The following ZNF618 variants were observed in gnomAD, a reference collection of about 807,000 sequenced individuals.
The protein encoded by ZNF618 is neural precursor cell expressed, developmentally down-regulated 10.
ZNF618 carries 34 observed loss-of-function variants against 103.0 expected under a neutral mutation model. The ratio of observed to expected loss-of-function variants is 0.33; its 90% confidence interval spans 0.25 to 0.44. The LOEUF is 0.44. ZNF618 is among the 20% of genes least tolerant of loss of function. The pLI is 1.00. For missense variants in ZNF618, 1,059 were observed against 1,295.4 expected, an observed-to-expected ratio of 0.82 and a Z score of 2.80; for synonymous variants, 551 against 542.2, an observed-to-expected ratio of 1.02 and a Z score of -0.23.
At chr9:113,895,089 T>C (rs1474184145) in intron 1 of ZNF618, among the ~76,000 whole-genome samples, 1 of 105,026 alleles carries the variant, frequency 9.5e-6, no homozygotes, top group Non-Finnish European at 2.1e-5. Flanking sequence ...GAAATGTATA[T>C]TTTTTATCAC....
At chr9:114,015,518 A>G (rs542256553) in intron 9 of ZNF618, among the ~76,000 whole-genome samples, 74 of 152,318 alleles carry the variant, frequency 4.9e-4, no homozygotes, top group African/African-American at 1.7e-3. Flanking sequence ...TCATTTTCAT[A>G]CCTTTCTGGT....
At chr9:113,948,187 G>A (rs929632635) in intron 1 of ZNF618, among the ~76,000 whole-genome samples, 1 of 152,146 alleles carries the variant, frequency 6.6e-6, no homozygotes, top group East Asian at 1.9e-4. Context: ...CACTCCCTTT[G>A]TACTGAGGGC....
intron 1 of ZNF618, among the ~76,000 whole-genome samples, chr9:113,879,673 G>A (rs556964395): frequency 6.6e-6 from 1 of 151,986 alleles, no homozygotes; most frequent in South Asian, 2.1e-4. Context: ...ATTGGACTTG[G>A]GGGTGGTAAT....
intron 12 of ZNF618, 69 bp from the exon 13 acceptor site, chr9:114,036,231 C>A: frequency 6.8e-7 from 1 of 1,472,864 alleles, no homozygotes; most frequent in Non-Finnish European, 9.3e-7. Flanking sequence ...TGCAAAGCTG[C>A]CTGCAGCCCA....
rs137943280 is a variant in ZNF618 at position 114,049,836 on chromosome 9, A to C, written c.2534A>C (p.Asp845Ala). 3.6e-4 allele frequency: 587 copies of C among 1,613,940 alleles called. 4 individuals are homozygous for C. In the East Asian group the frequency reaches 0.011, roughly 31 times the overall value. Residue 845 changes from aspartate (D) to alanine (A), a missense_variant, in exon 15 of 15, where the codon GAC becomes GCC. Transcript: ENST00000374126. Reference sequence around the variant, plus strand: ...AAGGAGTCCTGGGCCGAGGAGGCCGACTTCGAGCCCGCTGCCAAGAAGCCC... The same window carrying C: ...AAGGAGTCCTGGGCCGAGGAGGCCGCCTTCGAGCCCGCTGCCAAGAAGCCC... ...EVKESWAEEA[D>A]FEPAAKKPRS...
At chr9:114,010,524 G>A (rs1295954681) in intron 9 of ZNF618, among the ~76,000 whole-genome samples, 4 of 151,822 alleles carry the variant, frequency 2.6e-5, no homozygotes, top group African/African-American at 9.7e-5. Context: ...GGCCAACATG[G>A]TGAAACCCCA....
chr9:113,966,246 C>A (rs1218810307), intron 1 of ZNF618, among the ~76,000 whole-genome samples: 1 of 152,174 alleles, frequency 6.6e-6, no homozygotes, highest in Non-Finnish European at 1.5e-5. Flanking sequence ...AGCATCTTGC[C>A]ATTTTGCAGA....
chr9:113,916,966 C>G (rs1347693057), intron 1 of ZNF618, among the ~76,000 whole-genome samples: 2 of 152,130 alleles, frequency 1.3e-5, no homozygotes, highest in South Asian at 2.1e-4. Flanking sequence ...CTCTGCCAAG[C>G]CTTTGGGCGG....
chr9:113,916,707 C>T (rs56395458), intron 1 of ZNF618, among the ~76,000 whole-genome samples: 3 of 152,164 alleles, frequency 2.0e-5, no homozygotes, highest in Non-Finnish European at 2.9e-5. Context: ...GAACATGTCA[C>T]CCACCTAACT....
intron 9 of ZNF618, among the ~76,000 whole-genome samples, chr9:114,013,310 G>T (rs980151066): frequency 1.3e-5 from 2 of 152,358 alleles, no homozygotes; most frequent in African/African-American, 4.8e-5. Flanking sequence ...CATAGTATAA[G>T]AGGAACTGTG....
intron 3 of ZNF618, among the ~76,000 whole-genome samples, chr9:113,989,368 C>T (rs1839804217): frequency 6.6e-6 from 1 of 152,204 alleles, no homozygotes; most frequent in Non-Finnish European, 1.5e-5. Flanking sequence ...CAGAAATGAA[C>T]ATTTTGATGG....
At chr9:113,948,633 GT>G (rs1175274353) in intron 1 of ZNF618, among the ~76,000 whole-genome samples, 1 of 152,234 alleles carries the variant, frequency 6.6e-6, no homozygotes, top group African/African-American at 2.4e-5. Flanking sequence ...TGCCAGTTAA[GT>G]GCCTGTTTTG....
chr9:113,965,413 A>G (rs1209535504), intron 1 of ZNF618, among the ~76,000 whole-genome samples: 1 of 152,172 alleles, frequency 6.6e-6, no homozygotes, highest in Non-Finnish European at 1.5e-5. Context: ...AATGAAACCA[A>G]AAATAGCCTT....
At chr9:114,007,218 A>T in intron 6 of ZNF618, 132 bp from the exon 7 acceptor site, 1 of 709,822 alleles carries the variant, frequency 1.4e-6, no homozygotes, top group Non-Finnish European at 2.3e-6. Flanking sequence ...GTAAAATGAG[A>T]GACTGCTTCC....
At chr9:113,997,701 A>G (rs1313706347) in intron 3 of ZNF618, among the ~76,000 whole-genome samples, 2 of 152,340 alleles carry the variant, frequency 1.3e-5, no homozygotes, top group East Asian at 3.9e-4. Flanking sequence ...GTCAGTCTGC[A>G]TGGAAACATT....
Position 113,988,598 on chromosome 9 carries a change from G to A in ZNF618, c.337+18G>A. 1.9e-6 allele frequency: 3 copies of A among 1,591,922 alleles called. No homozygotes were observed. The highest frequency in any genetic ancestry group is 1.3e-5 in the African/African-American group (1 of 74,872). ...GACCCTTGGTGAGTGCCCAGCGTCT[G>A]TGGTCAGGGTGGAGACCAGGGTGGG... On this transcript the variant is annotated intron_variant, in intron 3 of 14. Transcript: ENST00000374126.
chr9:113,954,994 CCAGGGCTATGGGTGGTAG>C (rs768803887), intron 1 of ZNF618, among the ~76,000 whole-genome samples: 39 of 152,158 alleles, frequency 2.6e-4, no homozygotes, highest in Admixed American at 2.0e-4. Context: ...TTTTATCTCT[CCAGGGCTATGGGTGGTAG>C]CAGCAGCTCT....
rs1292742043 is a variant in ZNF618 at position 114,053,306 on chromosome 9, C to T, written c.*3139C>T. On this transcript the variant is annotated 3_prime_UTR_variant, in exon 15 of 15. Transcript: ENST00000374126. ...ATCTCCTGGTGTCCAGCCTGACCTT[C>T]ACATCTGGAAGGATTTTGTCGTCTG... The T allele has an allele frequency of 6.6e-6, 1 of 152,328 alleles. No homozygotes were observed. The highest frequency in any genetic ancestry group is 1.5e-5 in the Non-Finnish European group (1 of 68,062). 9.4% of individuals were successfully genotyped at this position (152,328 alleles called of 1,614,324 possible).
intron 1 of ZNF618, among the ~76,000 whole-genome samples, chr9:113,921,030 C>G (rs1832592251): frequency 6.6e-6 from 1 of 152,208 alleles, no homozygotes; most frequent in Non-Finnish European, 1.5e-5. Context: ...CAATGGCTGA[C>G]CTATTGGTGG....
Sources: allele counts gnomAD v4.1 joint callset (sites outside exome capture counted in the v4.1 genomes callset), GRCh38; gene constraint gnomAD v4.1.1; transcripts MANE v1.5; gene names NCBI Gene and HGNC (gene_info 2026-07-23, HGNC 2026-07-21).